SLC26A3: variants seen among roughly 807,000 people sequenced by gnomAD.
The protein encoded by SLC26A3 is solute carrier family 26 member 3.
Under a neutral mutation model 85.6 loss-of-function variants are expected in SLC26A3, and 64 were observed. The observed-to-expected ratio is 0.75, with a 90% CI of 0.61 to 0.92. The LOEUF (loss-of-function observed/expected upper bound fraction) is 0.92, where lower values mean the gene tolerates loss of function less well. SLC26A3 is among the 40% of genes least tolerant of loss of function. The pLI is 0.00. For missense variants in SLC26A3, 922 were observed against 927.3 expected (o/e 0.99, Z 0.07); for synonymous variants, 349 against 336.0 (o/e 1.04, Z -0.42).
intron 4 of SLC26A3, 95 bp downstream of exon 4, chr7:107,791,735 G>C (rs1364478207): frequency 1.2e-6 from 1 of 842,652 alleles, no homozygotes; most frequent in East Asian, 2.5e-5. Flanking sequence ...TCTTCTCCTG[G>C]ATTATGTGAA....
At chr7:107,776,847 C>G in intron 13 of SLC26A3, 141 bp from the exon 14 acceptor site, 1 of 758,146 alleles carries the variant, frequency 1.3e-6, no homozygotes, top group East Asian at 2.6e-5. Context: ...CCATCAGAGA[C>G]TCTGGAAGGT....
At chr7:107,789,197 A>T (rs961475403) in intron 6 of SLC26A3, among the ~76,000 whole-genome samples, 2 of 149,866 alleles carry the variant, frequency 1.3e-5, no homozygotes, top group Admixed American at 1.3e-4. Context: ...ACTCACTGCA[A>T]GATCCGCCTC....
rs945549562 is a variant in SLC26A3, at chr7:107,794,022, A to G, written c.132-141T>C. 6 of 1,138,744 alleles carry G rather than the reference A, an allele frequency of 5.3e-6. No homozygotes were observed. The African/African-American group carries it at 6.2e-5, about 12-fold the overall frequency. The allele number at this position is 1,138,744 out of a possible 1,614,324, so 70.5% of individuals were successfully genotyped here. The stretch of plus-strand genomic sequence containing the variant: ...CTCCCAGTAACATTCTTTACCCATA[A>G]TCAGCTGCCCTCTGGTCACCAACAA... On this transcript the variant is annotated intron_variant, in intron 2 of 20. Transcript: ENST00000340010.
chr7:107,786,955 A>G (rs376403650), intron 7 of SLC26A3, 46 bp from the exon 8 acceptor site: 26 of 1,490,932 alleles, frequency 1.7e-5, no homozygotes, highest in East Asian at 6.8e-5. Context: ...AGATGCAAGT[A>G]AGAGTCTTGC....
chr7:107,773,903 A>C lies in SLC26A3; in HGVS notation c.2007+17T>G, dbSNP rs1794066177. 1 of 1,586,862 alleles carries C rather than the reference A, an allele frequency of 6.3e-7. No homozygotes were observed. The highest frequency in any genetic ancestry group is 2.2e-5 in the East Asian group (1 of 44,734). On this transcript the variant is annotated intron_variant, in intron 17 of 20. Transcript: ENST00000340010. ...TAGTCATTGATTGGTTGTTTCCATT[A>C]AGAACAAAGAAATTACCGATTTAAG...
intron 18 of SLC26A3, among the ~76,000 whole-genome samples, chr7:107,769,944 C>T (rs948851658): frequency 6.6e-6 from 1 of 151,900 alleles, no homozygotes; most frequent in African/African-American, 2.4e-5. Flanking sequence ...GCTGGACATC[C>T]CTGATCACCA....
At chr7:107,780,811 C>G (rs1794204922) in intron 11 of SLC26A3, among the ~76,000 whole-genome samples, 1 of 151,944 alleles carries the variant, frequency 6.6e-6, no homozygotes, top group Non-Finnish European at 1.5e-5. Context: ...AAGTGAATGC[C>G]AGTTAAAAAA....
rs147019341 is a variant in SLC26A3 at position 107,774,797 on chromosome 7, C to T, written c.1753G>A (p.Gly585Ser). ...CTTACTGGTGTCACTTGTAGCAAGC[C>T]TTGCTTCTGCAGTTTTCGGATTTTC... ...LRKIRKLQKQ[G>S]LLQVTPKGFI... Residue 585 changes from glycine to serine, a missense_variant, in exon 16 of 21, where the codon GGC becomes AGC. By Grantham distance (56) the Gly-to-Ser change is moderately conservative (BLOSUM62 0). Transcript: ENST00000340010. 4 of 1,613,940 alleles carry T rather than the reference C, an allele frequency of 2.5e-6. No individual in the cohort carries two copies. The highest frequency in any genetic ancestry group is 2.7e-5 in the African/African-American group (2 of 74,930).
At chr7:107,774,968 G>T in intron 15 of SLC26A3, 96 bp from the exon 16 acceptor site, 2 of 927,538 alleles carry the variant, frequency 2.2e-6, no homozygotes, top group Non-Finnish European at 3.5e-6. Context: ...TTGAGGGATT[G>T]GGACAGATAA....
chr7:107,784,473 G>T (rs762244094), intron 8 of SLC26A3, among the ~76,000 whole-genome samples: 4 of 151,938 alleles, frequency 2.6e-5, no homozygotes, highest in Non-Finnish European at 5.9e-5. Context: ...TTGAGATGGG[G>T]TCTCCTCTTT....
At chr7:107,779,395 A>G (rs962751114) in intron 12 of SLC26A3, among the ~76,000 whole-genome samples, 5 of 152,184 alleles carry the variant, frequency 3.3e-5, no homozygotes, top group African/African-American at 7.2e-5. Context: ...TACTGCAAGA[A>G]CTTTTAGAAT....
chr7:107,765,961 C>T (rs1365140936), intron 20 of SLC26A3, 83 bp from the exon 21 acceptor site: 4 of 1,175,066 alleles, frequency 3.4e-6, no homozygotes, highest in Non-Finnish European at 5.0e-6. Context: ...TAGAATTTAC[C>T]AGAGTTAACA....
chr7:107,798,238 CT>C lies in SLC26A3; in HGVS notation c.-88-3642del, dbSNP rs989589252. ...TAGTCATACACGTTGTTGTTCTCTGCTTTTTTTTTTTCTTTTTGAGCAGAAA... is the reference window on the plus strand; with the variant it reads ...TAGTCATACACGTTGTTGTTCTCTGCTTTTTTTTTTCTTTTTGAGCAGAAA... On this transcript the variant is annotated intron_variant, in intron 1 of 20. Transcript: ENST00000340010. 4.7e-3 allele frequency among the ~76,000 whole-genome samples: 686 copies of C among 145,134 alleles called. 3 individuals carry two copies. The highest frequency in any genetic ancestry group is 7.7e-3 in the African/African-American group (308 of 39,770).
chr7:107,776,325 A>G, intron 15 of SLC26A3, 127 bp downstream of exon 15: 1 of 811,484 alleles, frequency 1.2e-6, no homozygotes, highest in Non-Finnish European at 2.1e-6. Flanking sequence ...GGGACAAAAA[A>G]TACTGACACA....
chr7:107,770,045 T>C (rs1793988874), intron 18 of SLC26A3, among the ~76,000 whole-genome samples: 1 of 147,050 alleles, frequency 6.8e-6, no homozygotes, highest in African/African-American at 2.5e-5. Context: ...TTTCTTTCTT[T>C]CTTTCTCTTT....
Sources: allele counts gnomAD v4.1 joint callset (sites outside exome capture counted in the v4.1 genomes callset), GRCh38; gene constraint gnomAD v4.1.1; transcripts MANE v1.5; gene names NCBI Gene and HGNC (gene_info 2026-07-23, HGNC 2026-07-21).